The following TEKT5 variants were observed in gnomAD, a reference collection of about 807,000 sequenced individuals.
TEKT5 encodes tektin-5.
In TEKT5, 52 loss-of-function variants were observed where a neutral mutation model predicts 48.7. The observed-to-expected ratio is 1.07, with a 90% confidence interval of 0.86 to 1.35. TEKT5 has a LOEUF of 1.35. Among genes scored for constraint, TEKT5 ranks in the 40% most tolerant of loss-of-function variants. TEKT5 has a pLI of 0.00. For synonymous variants in TEKT5, 318 were observed against 267.6 expected (o/e 1.19, Z -1.84); for missense variants, 831 against 641.6 (o/e 1.30, Z -3.19).
chr16:10,660,630 G>T (rs887201584), intron 5 of TEKT5, among the ~76,000 whole-genome samples: 4 of 151,624 alleles, frequency 2.6e-5, no homozygotes, highest in African/African-American at 9.7e-5. Flanking sequence ...TCAAAAGCCA[G>T]TCTGAGAATG....
chr16:10,690,754 G>T, intron 1 of TEKT5: 1 of 985,372 alleles, frequency 1.0e-6, no homozygotes, highest in Non-Finnish European at 1.2e-6. Flanking sequence ...GGCTTTTCAG[G>T]GGCGCTCTAT....
intron 6 of TEKT5, among the ~76,000 whole-genome samples, chr16:10,632,515 C>T (rs188257765): frequency 6.6e-6 from 1 of 151,998 alleles, no homozygotes; most frequent in Non-Finnish European, 1.5e-5. Context: ...AGGCTCATCT[C>T]GAACTCCTGG....
At chr16:10,664,599 C>T (rs1470595336) in intron 5 of TEKT5, among the ~76,000 whole-genome samples, 1 of 152,224 alleles carries the variant, frequency 6.6e-6, no homozygotes, top group Non-Finnish European at 1.5e-5. Context: ...AAATCAGAAT[C>T]CCTAAAGTGA....
intron 6 of TEKT5, among the ~76,000 whole-genome samples, chr16:10,629,842 C>G (rs534715848): frequency 1.1e-4 from 16 of 152,242 alleles, no homozygotes; most frequent in Non-Finnish European, 2.1e-4. Context: ...TCTGGCGCCC[C>G]TTGCAGGATC....
At chr16:10,648,618 C>T (rs187513389) in intron 5 of TEKT5, among the ~76,000 whole-genome samples, 57 of 152,350 alleles carry the variant, frequency 3.7e-4, no homozygotes, top group Admixed American at 3.3e-3. Context: ...AGGCATGAGC[C>T]ACCACGCCCT....
In TEKT5 at chr16:10,629,161, C is replaced by A. The variant is rs896849810; in HGVS notation, c.1242-1362G>T. Among the ~76,000 whole-genome samples the A allele has an allele frequency of 5.3e-5, 8 of 152,142 alleles. 2 individuals are homozygous for A. Among genetic ancestry groups the A allele is most frequent in the Admixed American group, 1.3e-4 (2 of 15,274 alleles). On this transcript the variant is annotated intron_variant, in intron 6 of 6. Transcript: ENST00000283025. ...TTTCCTTTTGGGTTGATGAAAACAT[C>A]ACAGAACTAGAGAGTGGTGAGGGTT...
chr16:10,674,634 A>AC (rs1773428508), intron 5 of TEKT5, among the ~76,000 whole-genome samples: 1 of 147,732 alleles, frequency 6.8e-6, no homozygotes, highest in African/African-American at 2.5e-5. Flanking sequence ...AAAAAAAAAA[A>AC]AAAAAAACAG....
intron 5 of TEKT5, among the ~76,000 whole-genome samples, chr16:10,652,494 A>ACACACC (rs1491427175): frequency 2.2e-4 from 16 of 73,104 alleles, no homozygotes; most frequent in African/African-American, 1.9e-4. Context: ...ACACACACAC[A>ACACACC]CCCTCCAGGC....
chr16:10,689,920 G>A (rs766115635), intron 2 of TEKT5, 22 bp downstream of exon 2: 3 of 1,612,990 alleles, frequency 1.9e-6, no homozygotes, highest in African/African-American at 2.7e-5. Context: ...AGGGGGCTGG[G>A]CAGAACCAGG....
intron 6 of TEKT5, among the ~76,000 whole-genome samples, chr16:10,631,552 G>A (rs7185243): frequency 0.011 from 1,641 of 152,198 alleles, 12 homozygotes; most frequent in Middle Eastern, 0.014. Flanking sequence ...GCCCTGGTGC[G>A]TGTAATGTTA....
At chr16:10,664,324 C>G (rs1221890232) in intron 5 of TEKT5, among the ~76,000 whole-genome samples, 2 of 152,150 alleles carry the variant, frequency 1.3e-5, no homozygotes, top group African/African-American at 4.8e-5. Context: ...ATGTCTACAC[C>G]TGGAAGATAT....
In TEKT5 at chr16:10,627,741, G is replaced by T. The variant is rs538868306; in HGVS notation, c.1300C>A (p.Arg434=). Residue 434 remains arginine, a synonymous_variant, in exon 7 of 7, where the codon CGG becomes AGG. Transcript: ENST00000283025. ...AGCTGCAGCGTGTCCTGTGTCTCCC[G>T]CAGCCGCAGCTTGAGGGTCTGCAGG... ...DTLQTLKLRL[R]ETQDTLQLLV... 6.2e-7 allele frequency: 1 copy of T among 1,614,200 alleles called. No individual in the cohort carries two copies. The highest frequency in any genetic ancestry group is 8.5e-7 in the Non-Finnish European group (1 of 1,180,034).
intron 4 of TEKT5, 55 bp from the exon 5 acceptor site, chr16:10,676,236 G>A (rs1242752778): frequency 3.2e-6 from 5 of 1,555,336 alleles, no homozygotes; most frequent in African/African-American, 2.7e-5. Context: ...AGAATCTGTG[G>A]TTTCTCCGCC....
intron 4 of TEKT5, among the ~76,000 whole-genome samples, chr16:10,678,289 G>C (rs1323345120): frequency 6.6e-6 from 1 of 152,200 alleles, no homozygotes; most frequent in South Asian, 2.1e-4. Flanking sequence ...TGTAGAGACG[G>C]GGTTTCACCA....
intron 5 of TEKT5, among the ~76,000 whole-genome samples, chr16:10,640,220 G>GC (rs1897975449): frequency 6.7e-6 from 1 of 149,372 alleles, no homozygotes; most frequent in African/African-American, 2.5e-5. Context: ...ATGGCTCACT[G>GC]CAACCTCTGC....
chr16:10,691,609 G>C (rs984740414), intron 1 of TEKT5, among the ~76,000 whole-genome samples: 1 of 152,136 alleles, frequency 6.6e-6, no homozygotes, highest in Non-Finnish European at 1.5e-5. Context: ...CAATAGCGGG[G>C]ACAGGGGTTA....
chr16:10,628,983 A>C (rs1485627371), intron 6 of TEKT5, among the ~76,000 whole-genome samples: 1 of 152,174 alleles, frequency 6.6e-6, no homozygotes, highest in Non-Finnish European at 1.5e-5. Context: ...GATGCTAAAT[A>C]AAGGAAGCCA....
In TEKT5 at chr16:10,681,992, C is replaced by A. The variant is rs748580746; in HGVS notation, c.863+1G>T. ...ATGGGGAGGGGGAGTCTGATACTTA[C>A]GTGCCGTCAATTTTCTCCATGCCGT... On this transcript the variant is annotated splice_donor_variant, in intron 4 of 6. Transcript: ENST00000283025. LOFTEE classifies it high-confidence loss of function. 6.2e-7 allele frequency: 1 copy of A among 1,613,724 alleles called. No individual in the cohort carries two copies. The highest frequency in any genetic ancestry group is 8.5e-7 in the Non-Finnish European group (1 of 1,179,746).
intron 5 of TEKT5, among the ~76,000 whole-genome samples, chr16:10,665,117 G>A (rs1196002815): frequency 6.6e-6 from 1 of 152,146 alleles, no homozygotes; most frequent in African/African-American, 2.4e-5. Context: ...CCAAGGAGGA[G>A]GCCAGCAGAT....
Sources: allele counts gnomAD v4.1 joint callset (sites outside exome capture counted in the v4.1 genomes callset), GRCh38; gene constraint gnomAD v4.1.1; transcripts MANE v1.5; gene names NCBI Gene and HGNC (gene_info 2026-07-23, HGNC 2026-07-21).